FLRT2: variants seen among roughly 807,000 people sequenced by gnomAD.
FLRT2 encodes the protein leucine-rich repeat transmembrane protein FLRT2.
FLRT2 carries 15 observed loss-of-function variants against 40.0 expected under a neutral mutation model. That is an observed-to-expected ratio of 0.38 (90% confidence interval 0.25 to 0.58). The LOEUF is 0.58. Ranked by LOEUF, FLRT2 falls within the 20% of genes least tolerant of loss-of-function variation. FLRT2 has a pLI of 0.71. For missense variants in FLRT2, 726 were observed against 840.0 expected (o/e 0.86, Z 1.68); for synonymous variants, 380 against 336.8 (o/e 1.13, Z -1.41).
At chr14:85,600,942 T>C (rs190931804) in intron 1 of FLRT2, among the ~76,000 whole-genome samples, 48 of 152,326 alleles carry the variant, frequency 3.2e-4, no homozygotes, top group Admixed American at 2.9e-3. Flanking sequence ...ATGACAAGTT[T>C]AGTCTTTATC....
At chr14:85,556,150 A>C (rs1399703723) in intron 1 of FLRT2, among the ~76,000 whole-genome samples, 1 of 152,214 alleles carries the variant, frequency 6.6e-6, no homozygotes, top group African/African-American at 2.4e-5. Flanking sequence ...CTGTCTGGAC[A>C]TTTAAAACTT....
At chr14:85,531,553 C>G (rs1888279474) in intron 1 of FLRT2, among the ~76,000 whole-genome samples, 1 of 152,088 alleles carries the variant, frequency 6.6e-6, no homozygotes, top group South Asian at 2.1e-4. Context: ...CGGGCTGGAC[C>G]CATACTTGAT....
At chr14:85,616,433 T>A (rs1893137368) in intron 1 of FLRT2, among the ~76,000 whole-genome samples, 1 of 152,170 alleles carries the variant, frequency 6.6e-6, no homozygotes, top group South Asian at 2.1e-4. Flanking sequence ...TTTTGAAACA[T>A]GAGTTCGTTT....
chr14:85,622,036 G>A lies in FLRT2; in HGVS notation c.522G>A (p.Val174=), dbSNP rs758456805. ...LFLSKNHLSS[V]PVGLPVDLQE... ...TGTCTAAGAATCACCTGAGCAGTGT[G>A]CCTGTTGGGCTTCCTGTGGACTTGC... The change falls in exon 2 of 2, where the codon GTG becomes GTA. Residue 174 remains valine (V), a synonymous_variant. Coordinates refer to ENST00000330753, the MANE Select transcript of FLRT2 (RefSeq NM_013231.6). The A allele has an allele frequency of 1.2e-6, 2 of 1,613,722 alleles. No homozygotes were observed. The highest frequency in any genetic ancestry group is 4.5e-5 in the East Asian group (2 of 44,854).
chr14:85,600,682 A>T (rs1228928314), intron 1 of FLRT2, among the ~76,000 whole-genome samples: 1 of 152,220 alleles, frequency 6.6e-6, no homozygotes, highest in African/African-American at 2.4e-5. Context: ...AAAGTATTTC[A>T]GGAGAGTATA....
rs869148428 is a variant in FLRT2, at chr14:85,639,851, C to CTTTTTTTTTTTTTTTTTTTTCT, written c.*16369_*16370insTTTTTCTTTTTTTTTTTTTTTT. ...GAAATTCTTTATTTTTTTTTTTTTC[C>CTTTTTTTTTTTTTTTTTTTTCT]TTTTTTTTTTTTTTTGAGACAGTGT... On this transcript the variant is annotated 3_prime_UTR_variant, in exon 2 of 2. Coordinates refer to ENST00000330753, the MANE Select transcript of FLRT2 (RefSeq NM_013231.6). The CTTTTTTTTTTTTTTTTTTTTCT allele has an allele frequency of 8.4e-6, 1 of 119,248 alleles. No homozygotes were observed. Among genetic ancestry groups the CTTTTTTTTTTTTTTTTTTTTCT allele is most frequent in the African/African-American group, 3.4e-5 (1 of 29,556 alleles). The allele number at this position is 119,248 out of a possible 1,614,324, so 7.4% of individuals were successfully genotyped here.
At chr14:85,562,420 G>A (rs1890393439) in intron 1 of FLRT2, among the ~76,000 whole-genome samples, 1 of 152,128 alleles carries the variant, frequency 6.6e-6, no homozygotes, top group Admixed American at 6.5e-5. Context: ...GCCACATTTT[G>A]GCTGTGAAGA....
rs541281770 is a variant in FLRT2 at position 85,593,817 on chromosome 14, G to C, written c.-376-27322G>C. 1.1e-4 allele frequency among the ~76,000 whole-genome samples: 16 copies of C among 152,164 alleles called. 1 individual carries two copies. In the East Asian group the frequency reaches 1.4e-3, roughly 13 times the overall value. ...AGAACTCTGGGAGTTCAAGGCAGGCGGATCACTTGAGGTCAGGAGGTTGAG... is the reference window on the plus strand; with the variant it reads ...AGAACTCTGGGAGTTCAAGGCAGGCCGATCACTTGAGGTCAGGAGGTTGAG... On this transcript the variant is annotated intron_variant, in intron 1 of 1. Coordinates refer to ENST00000330753, the MANE Select transcript of FLRT2 (RefSeq NM_013231.6).
At chr14:85,585,641 ATTTC>A (rs1170452731) in intron 1 of FLRT2, among the ~76,000 whole-genome samples, 1 of 152,092 alleles carries the variant, frequency 6.6e-6, no homozygotes. Context: ...TTTGTATTGT[ATTTC>A]TTTATTATTT....
chr14:85,632,399 G>A lies in FLRT2; in HGVS notation c.*8902G>A, dbSNP rs1893899482. The A allele has an allele frequency of 6.6e-6, 1 of 150,450 alleles. No homozygotes were observed. The allele number at this position is 150,450 out of a possible 1,614,324, so 9.3% of individuals were successfully genotyped here. ...AGGCAGGAGAATTGCTTGAACCTAG[G>A]AGGTGGAGGTTGCAGTGAGCCAAGA... On this transcript the variant is annotated 3_prime_UTR_variant, in exon 2 of 2. Transcript: ENST00000330753.
chr14:85,590,568 A>G (rs1891836031), intron 1 of FLRT2, among the ~76,000 whole-genome samples: 1 of 152,082 alleles, frequency 6.6e-6, no homozygotes, highest in African/African-American at 2.4e-5. Context: ...GAGAAGGGAT[A>G]GAGTAAGGAT....
rs1466497891 is a variant in FLRT2, at chr14:85,608,101, ACT to A, written c.-376-13035_-376-13034del. Among the ~76,000 whole-genome samples the A allele has an allele frequency of 4.0e-5, 6 of 151,848 alleles. No individual in the cohort carries two copies. The South Asian group carries it at 6.2e-4, about 16-fold the overall frequency. ...TTTTAACTCGATGCTCCCCTTAAAG[ACT>A]CTGTCTCCAAATATAGTCACATTCT... is the stretch of plus-strand genomic sequence containing the variant. On this transcript the variant is annotated intron_variant, in intron 1 of 1. Coordinates refer to ENST00000330753, the MANE Select transcript of FLRT2 (RefSeq NM_013231.6).
intron 1 of FLRT2, among the ~76,000 whole-genome samples, chr14:85,619,084 C>CTTTTTTTTTTTTTTTTTTTTTTTTTT (rs11305956): frequency 7.4e-6 from 1 of 134,322 alleles, no homozygotes; most frequent in African/African-American, 2.8e-5. Context: ...TAATGCTTGA[C>CTTTTTTTTTTTTTTTTTTTTTTTTTT]TTTTTTTTTT....
chr14:85,628,041 C>T lies in FLRT2; in HGVS notation c.*4544C>T, dbSNP rs1399945588. On this transcript the variant is annotated 3_prime_UTR_variant, in exon 2 of 2. Coordinates refer to ENST00000330753, the MANE Select transcript of FLRT2 (RefSeq NM_013231.6). ...AGAGGTAATAGGACTTTCGTATTCTCCTATCATGAATATGACTTGCATTTC... is the reference window on the plus strand; with the variant it reads ...AGAGGTAATAGGACTTTCGTATTCTTCTATCATGAATATGACTTGCATTTC... 4 of 157,332 alleles carry T rather than the reference C, an allele frequency of 2.5e-5. No individual in the cohort carries two copies. Among genetic ancestry groups the T allele is most frequent in the Admixed American group, 6.5e-5 (1 of 15,272 alleles). The allele number at this position is 157,332 out of a possible 1,614,324, so 9.7% of individuals were successfully genotyped here.
intron 1 of FLRT2, among the ~76,000 whole-genome samples, chr14:85,618,119 C>G (rs1183189388): frequency 6.6e-6 from 1 of 152,186 alleles, no homozygotes; most frequent in Non-Finnish European, 1.5e-5. Context: ...TTTCTAGGCC[C>G]ATCCCTGAGT....
At chr14:85,562,296 G>C (rs1166960968) in intron 1 of FLRT2, among the ~76,000 whole-genome samples, 2 of 152,148 alleles carry the variant, frequency 1.3e-5, no homozygotes, top group African/African-American at 4.8e-5. Context: ...AGACATTTCT[G>C]ACAGTTAAAT....
chr14:85,586,287 A>T (rs80268496), intron 1 of FLRT2, among the ~76,000 whole-genome samples: 5,692 of 152,142 alleles, frequency 0.037, 158 homozygotes, highest in East Asian at 0.17. Flanking sequence ...TAAGTCACAC[A>T]GCAGTAAACA....
chr14:85,555,932 A>G (rs190738466), intron 1 of FLRT2, among the ~76,000 whole-genome samples: 245 of 152,098 alleles, frequency 1.6e-3, no homozygotes, highest in Non-Finnish European at 2.3e-3. Context: ...AAACTAGAAA[A>G]CACTTTTAAG....
intron 1 of FLRT2, among the ~76,000 whole-genome samples, chr14:85,550,185 G>A: frequency 6.6e-6 from 1 of 152,154 alleles, no homozygotes; most frequent in East Asian, 1.9e-4. Flanking sequence ...CAAAAAAGGA[G>A]ATTTTTTTCT....
Sources: allele counts gnomAD v4.1 joint callset (sites outside exome capture counted in the v4.1 genomes callset), GRCh38; gene constraint gnomAD v4.1.1; transcripts MANE v1.5; gene names NCBI Gene and HGNC (gene_info 2026-07-23, HGNC 2026-07-21).